Variants in DUOX2 observed in about 807,000 individuals in gnomAD.
DUOX2 encodes dual oxidase 2.
A neutral mutation model predicts 183.3 loss-of-function variants in DUOX2; 185 were observed. The observed-to-expected ratio is 1.01, with a 90% CI of 0.90 to 1.14. The LOEUF (loss-of-function observed/expected upper bound fraction) is 1.14, where lower values mean the gene tolerates loss of function less well. DUOX2 is among the 50% of genes most tolerant of loss of function. The probability of loss-of-function intolerance (pLI) is 0.00; values close to 1 mark genes in which losing one functional copy is unlikely to be tolerated. For synonymous variants in DUOX2, 788 were observed against 812.4 expected (o/e 0.97, Z 0.51); for missense variants, 1,999 against 2,022.9 (o/e 0.99, Z 0.23).
chr15:45,109,898 T>A lies in DUOX2; in HGVS notation c.1123A>T (p.Ile375Phe). 1 of 1,614,082 alleles carries A rather than the reference T, an allele frequency of 6.2e-7. No individual in the cohort carries two copies. The change falls in exon 10 of 34, where the codon ATT (isoleucine) becomes TTT (phenylalanine). Residue 375 changes from isoleucine (I) to phenylalanine (F), a missense_variant. Physicochemically the swap from Ile to Phe is conservative, Grantham distance 21. This residue lies in a region of DUOX2 where 1,628 missense variants were observed against 1,608.6 expected (regional missense o/e 1.01). Transcript: ENST00000389039. Reference protein sequence around the residue: ...QALRVCNNYWIRENPNLNSTQ... With the variant: ...QALRVCNNYWFRENPNLNSTQ... ...CCTGACCCCAGTCTGACCTCCCGAA[T>A]CCAGTAGTTGTTGCAGACCCTGAGA... is the stretch of plus-strand genomic sequence containing the variant.
intron 30 of DUOX2, 25 bp downstream of exon 30, chr15:45,095,803 A>G: frequency 1.2e-6 from 2 of 1,605,406 alleles, no homozygotes; most frequent in Admixed American, 1.7e-5. Flanking sequence ...AGAGGCCCGG[A>G]AGCAGGGTTC....
chr15:45,095,323 C>T lies in DUOX2; in HGVS notation c.4239+114G>A, dbSNP rs964015412. On this transcript the variant is annotated intron_variant, in intron 31 of 33. Coordinates refer to ENST00000389039, the MANE Select transcript of DUOX2 (RefSeq NM_001363711.2). Reference sequence around the variant, plus strand: ...CATCTCAACCACTGGGTAAGAATGACCCCTTCAGACTCAGTTCCTGGAGCC... The same window carrying T: ...CATCTCAACCACTGGGTAAGAATGATCCCTTCAGACTCAGTTCCTGGAGCC... 8 of 1,519,936 alleles carry T rather than the reference C, an allele frequency of 5.3e-6. No individual in the cohort carries two copies. The African/African-American group carries it at 5.5e-5, about 10-fold the overall frequency. 94.2% of individuals were successfully genotyped at this position (1,519,936 alleles called of 1,614,324 possible).
chr15:45,112,823 A>T (rs1894480929), intron 3 of DUOX2, 105 bp from the exon 4 acceptor site: 6 of 1,572,520 alleles, frequency 3.8e-6, no homozygotes, highest in African/African-American at 1.3e-5. Flanking sequence ...CACTGACAGA[A>T]CCTTCCCTCA....
At chr15:45,112,510 C>T (rs758564421) in intron 4 of DUOX2, 44 bp downstream of exon 4, 4 of 1,603,994 alleles carry the variant, frequency 2.5e-6, no homozygotes, top group East Asian at 2.2e-5. Flanking sequence ...CCAGGCTGAG[C>T]AGAGCGCCAG....
chr15:45,111,459 C>A lies in DUOX2; in HGVS notation c.640G>T (p.Asp214Tyr). 1 of 1,550,482 alleles carries A rather than the reference C, an allele frequency of 6.4e-7. No homozygotes were observed. Among genetic ancestry groups the A allele is most frequent in the South Asian group, 1.2e-5 (1 of 83,894 alleles). ...ASGPDPAFPR[D>Y]SQNPLLMWAA... ...CACATGAGCAGGGGGTTCTGCGAGT[C>A]TCGGGGGAAAGCGGGGTCGGGCCCC... The change falls in exon 6 of 34, where the codon GAC (aspartate) becomes TAC (tyrosine). Residue 214 changes from aspartate (D) to tyrosine (Y), a missense_variant. Asp to Tyr is a radical substitution (Grantham distance 160). Around this residue, in one of 3 missense-constraint regions of DUOX2, gnomAD observed 356 missense variants for 356.4 expected, o/e 1.00. Coordinates refer to ENST00000389039, the MANE Select transcript of DUOX2 (RefSeq NM_001363711.2).
At chr15:45,094,847 G>T in intron 32 of DUOX2, 89 bp downstream of exon 32, 12 of 1,599,402 alleles carry the variant, frequency 7.5e-6, no homozygotes, top group Non-Finnish European at 9.4e-6. Flanking sequence ...GCTCAGCCTG[G>T]CCGTCCACCC....
chr15:45,098,556 G>A (rs1893969188), intron 26 of DUOX2, among the ~76,000 whole-genome samples: 3 of 152,314 alleles, frequency 2.0e-5, no homozygotes, highest in Admixed American at 1.3e-4. Context: ...CTATGAGAAA[G>A]AGTCTCTGAC....
At chr15:45,098,603 C>G (rs1480896077) in intron 26 of DUOX2, among the ~76,000 whole-genome samples, 5 of 152,204 alleles carry the variant, frequency 3.3e-5, no homozygotes, top group Non-Finnish European at 7.3e-5. Flanking sequence ...CAATCACAGC[C>G]AGCTTCCTTC....
At chr15:45,103,125 C>T (rs1389339147) in intron 20 of DUOX2, among the ~76,000 whole-genome samples, 2 of 152,228 alleles carry the variant, frequency 1.3e-5, no homozygotes, top group African/African-American at 2.4e-5. Flanking sequence ...ATAGCTTTGC[C>T]CTTTCAGAAG....
In DUOX2 at chr15:45,094,613, G is replaced by A. The variant is rs747720952; in HGVS notation, c.4474C>T (p.Arg1492Cys). The A allele has an allele frequency of 6.2e-5, 100 of 1,613,966 alleles. No homozygotes were observed. Among genetic ancestry groups the A allele is most frequent in the Non-Finnish European group, 8.1e-5 (96 of 1,180,004 alleles). Residue 1492 changes from arginine to cysteine, a missense_variant, in exon 33 of 34, where the codon CGT becomes TGT. By Grantham distance (180) the Arg-to-Cys change is radical (BLOSUM62 -3). Around this residue, in one of 3 missense-constraint regions of DUOX2, gnomAD observed 1,628 missense variants for 1,608.6 expected, o/e 1.01. Transcript: ENST00000389039. ...TGLRSITHFGRPPFEPFFNSL... is the reference protein window; with the variant it reads ...TGLRSITHFGCPPFEPFFNSL... ...TTGAAGAAGGGCTCGAAGGGGGGAC[G>A]GCCAAAGTGGGTGATGGAGCGCAGG...
chr15:45,106,222 A>T lies in DUOX2; in HGVS notation c.2051T>A (p.Val684Glu), dbSNP rs568188904. The change falls in exon 17 of 34, where the codon GTG (valine) becomes GAG (glutamate). Residue 684 changes from valine to glutamate, a missense_variant. Physicochemically the swap from Val to Glu is moderately radical, Grantham distance 121. Transcript: ENST00000389039. The stretch of plus-strand genomic sequence containing the variant: ...CTGCTGCAGAGGCTGCAGCTGGACC[A>T]CACGGAGCACAGTGAGATGCCTGTT... The part of the protein sequence containing the change: ...VLNRHLTVLR[V>E]VQLQPLQQVN... 29 of 1,614,032 alleles carry T rather than the reference A, an allele frequency of 1.8e-5. No homozygotes were observed. Among genetic ancestry groups the T allele is most frequent in the Non-Finnish European group, 2.4e-5 (28 of 1,180,008 alleles).
intron 1 of DUOX2, among the ~76,000 whole-genome samples, chr15:45,113,654 C>A (rs1334160957): frequency 6.6e-6 from 1 of 152,122 alleles, no homozygotes; most frequent in Non-Finnish European, 1.5e-5. Flanking sequence ...ATCCGCCACC[C>A]CATCAGAGAG....
chr15:45,106,895 A>T lies in DUOX2; in HGVS notation c.1768T>A (p.Phe590Ile), dbSNP rs1258051607. Residue 590 changes from phenylalanine (F) to isoleucine (I), a missense_variant, in exon 15 of 34, where the codon TTC (phenylalanine) becomes ATC (isoleucine). Physicochemically the swap from Phe to Ile is conservative, Grantham distance 21. Transcript: ENST00000389039. Reference protein sequence around the residue: ...PQCAPLTVLDFFEGSSPGFAI... With the variant: ...PQCAPLTVLDIFEGSSPGFAI... ...AAACCAGGGCTGCTGCCTTCAAAGAAGTCAAGCACAGTCAGGGGTGCACAC... is the reference window on the plus strand; with the variant it reads ...AAACCAGGGCTGCTGCCTTCAAAGATGTCAAGCACAGTCAGGGGTGCACAC... 2 of 1,583,764 alleles carry T rather than the reference A, an allele frequency of 1.3e-6. No homozygotes were observed. Among genetic ancestry groups the T allele is most frequent in the Admixed American group, 1.9e-5 (1 of 53,304 alleles).
chr15:45,112,920 C>A (rs553443114), intron 3 of DUOX2, 67 bp downstream of exon 3: 118 of 1,584,938 alleles, frequency 7.4e-5, no homozygotes, highest in Admixed American at 3.8e-4. Flanking sequence ...ATTCCCCGCT[C>A]AGGGCCTTTC....
chr15:45,109,233 AG>A, intron 11 of DUOX2: 1 of 599,910 alleles, frequency 1.7e-6, no homozygotes, highest in Non-Finnish European at 2.9e-6. Flanking sequence ...GTTTCAAGAC[AG>A]GGCTGAATGA....
At chr15:45,113,794 G>A (rs1388457980) in intron 1 of DUOX2, among the ~76,000 whole-genome samples, 179 bp downstream of exon 1, 1 of 152,108 alleles carries the variant, frequency 6.6e-6, no homozygotes, top group African/African-American at 2.4e-5. Context: ...CCCCCGATCC[G>A]TCAGGCTCCG....
rs947474351 is a variant in DUOX2, at chr15:45,108,149, T to G, written c.1472A>C (p.Glu491Ala). ...QLELLLGGLLESHGDPGPLFS... is the reference protein window; with the variant it reads ...QLELLLGGLLASHGDPGPLFS... ...CAGGGGTCCAGGGTCCCCATGGCTC[T>G]CCAGGAGCCCCCCAAGGAGCAGCTC... Residue 491 changes from glutamate to alanine, a missense_variant, in exon 13 of 34, where the codon GAG (glutamate) becomes GCG (alanine). Glu to Ala is a moderately radical substitution (Grantham distance 107). This residue lies in a region of DUOX2 where 1,628 missense variants were observed against 1,608.6 expected (regional missense o/e 1.01). Coordinates refer to ENST00000389039, the MANE Select transcript of DUOX2 (RefSeq NM_001363711.2). The G allele has an allele frequency of 2.5e-6, 4 of 1,614,010 alleles. No individual in the cohort carries two copies. The highest frequency in any genetic ancestry group is 3.4e-6 in the Non-Finnish European group (4 of 1,180,004).
In DUOX2 at chr15:45,095,941, C is replaced by T. The variant is rs550037603; in HGVS notation, c.3967G>A (p.Ala1323Thr). Reference sequence around the variant, plus strand: ...AGGCTGAGTGTGTCCTCATGGGGCGCGGAGGTCAGTGTGAAGGGGTGGTAC... The same window carrying T: ...AGGCTGAGTGTGTCCTCATGGGGCGTGGAGGTCAGTGTGAAGGGGTGGTAC... ...TEYHPFTLTS[A>T]PHEDTLSLHI... Residue 1323 changes from alanine to threonine, a missense_variant, in exon 30 of 34, where the codon GCG becomes ACG. Ala to Thr is a moderately conservative substitution (Grantham distance 58). Transcript: ENST00000389039. 147 of 1,613,782 alleles carry T rather than the reference C, an allele frequency of 9.1e-5. 3 individuals carry two copies. In the South Asian group the frequency reaches 1.3e-3, roughly 14 times the overall value.
Position 45,112,549 on chromosome 15 carries a change from C to A in DUOX2, c.325+5G>T, listed in dbSNP as rs1894463055. ...AACCCCACTGGTCTCCCCCTTTGCC[C>A]TCACCAAAGAAGACCCCCAGTACGG... On this transcript the variant is annotated splice_donor_5th_base_variant and intron_variant, in intron 4 of 33. Transcript: ENST00000389039. The A allele has an allele frequency of 1.9e-6, 3 of 1,612,644 alleles. No homozygotes were observed. The highest frequency in any genetic ancestry group is 2.5e-6 in the Non-Finnish European group (3 of 1,179,628).
Sources: gnomAD v4.1 joint callset for allele counts (sites outside exome capture counted in the v4.1 genomes callset) on GRCh38, gnomAD v4.1.1 for gene constraint, gnomAD v4.1.1 regional missense constraint, MANE v1.5 for transcripts, NCBI Gene and HGNC (gene_info 2026-07-23, HGNC 2026-07-21) for gene names.